The following PLA2G4A variants were observed in gnomAD, a reference collection of about 807,000 sequenced individuals.
PLA2G4A encodes phospholipase A2 group IVA.
A neutral mutation model predicts 81.9 loss-of-function variants in PLA2G4A; 40 were observed. The ratio of observed to expected loss-of-function variants is 0.49; its 90% CI spans 0.38 to 0.64. The LOEUF is 0.64. Ranked by LOEUF, PLA2G4A falls within the 30% of genes least tolerant of loss-of-function variation. The pLI is 0.00. For missense variants in PLA2G4A, 715 were observed against 905.1 expected (o/e 0.79, Z 2.69); for synonymous variants, 302 against 296.9 (o/e 1.02, Z -0.18).
chr1:186,955,999 C>T, intron 13 of PLA2G4A, 103 bp from the exon 14 acceptor site: 1 of 1,024,238 alleles, frequency 9.8e-7, no homozygotes, highest in Non-Finnish European at 1.5e-6. Context: ...CTTGGCCTCC[C>T]AAAGTGCTAG....
At chr1:186,969,309 G>A (rs1657259170) in intron 15 of PLA2G4A, among the ~76,000 whole-genome samples, 1 of 150,362 alleles carries the variant, frequency 6.7e-6, no homozygotes, top group East Asian at 2.0e-4. Flanking sequence ...ATATTTATGG[G>A]GTACATGTCA....
chr1:186,934,424 A>G (rs1655857079), intron 8 of PLA2G4A, among the ~76,000 whole-genome samples: 1 of 125,216 alleles, frequency 8.0e-6, no homozygotes, highest in South Asian at 2.7e-4. Flanking sequence ...AATGTAATTA[A>G]AAGGATTTTA....
At chr1:186,907,122 G>C (rs1431276947) in intron 6 of PLA2G4A, 120 bp downstream of exon 6, 1 of 637,274 alleles carries the variant, frequency 1.6e-6, no homozygotes, top group Non-Finnish European at 2.8e-6. Context: ...AGTGCATTAT[G>C]TTTACTTTGC....
At position 186,930,892 on chromosome 1, in the gene PLA2G4A, C is replaced by T. The variant is rs1655720789; in HGVS notation, c.559-1871C>T. On this transcript the variant is annotated intron_variant, in intron 7 of 17. Transcript: ENST00000367466. The stretch of plus-strand genomic sequence containing the variant: ...TGCCTATCTTGGCCTGAACCTTAGG[C>T]CCAGAACTGAGCACATAGCAATGTT... Among the ~76,000 whole-genome samples, 3 of 152,150 alleles carry T rather than the reference C, an allele frequency of 2.0e-5. No homozygotes were observed. The South Asian group carries it at 6.2e-4, about 31-fold the overall frequency.
At chr1:186,985,189 A>C (rs1458309361) in intron 17 of PLA2G4A, among the ~76,000 whole-genome samples, 1 of 152,206 alleles carries the variant, frequency 6.6e-6, no homozygotes, top group Non-Finnish European at 1.5e-5. Context: ...GAGAATGCCC[A>C]GTCTTCTGCT....
chr1:186,849,934 C>T (rs1652314029), intron 1 of PLA2G4A, among the ~76,000 whole-genome samples: 1 of 151,962 alleles, frequency 6.6e-6, no homozygotes, highest in Non-Finnish European at 1.5e-5. Flanking sequence ...AAGTTACAGC[C>T]CTGAGTGGGA....
chr1:186,914,386 C>G (rs1012559325), intron 7 of PLA2G4A, among the ~76,000 whole-genome samples: 9 of 131,724 alleles, frequency 6.8e-5, no homozygotes, highest in African/African-American at 2.5e-4. Flanking sequence ...GCAGGACAAG[C>G]CACAGACAAA....
At chr1:186,899,757 T>G (rs886757168) in intron 5 of PLA2G4A, among the ~76,000 whole-genome samples, 2 of 152,098 alleles carry the variant, frequency 1.3e-5, no homozygotes, top group African/African-American at 4.8e-5. Flanking sequence ...TGTTAACAGG[T>G]AGAGATACCA....
intron 1 of PLA2G4A, among the ~76,000 whole-genome samples, chr1:186,843,601 G>C (rs1165821226): frequency 3.3e-5 from 5 of 152,138 alleles, no homozygotes; most frequent in Non-Finnish European, 7.3e-5. Flanking sequence ...AAGGTACAAG[G>C]GTCCTAATCT....
intron 5 of PLA2G4A, among the ~76,000 whole-genome samples, chr1:186,895,076 G>A (rs980073424): frequency 2.0e-5 from 3 of 152,210 alleles, no homozygotes; most frequent in African/African-American, 4.8e-5. Context: ...TGTCCCAAAT[G>A]AGTCTTCCTC....
chr1:186,918,939 G>T (rs1182082894), intron 7 of PLA2G4A, among the ~76,000 whole-genome samples: 1 of 152,194 alleles, frequency 6.6e-6, no homozygotes, highest in Non-Finnish European at 1.5e-5. Context: ...TTGCTGCCAG[G>T]GTCCTTAGAC....
intron 7 of PLA2G4A, among the ~76,000 whole-genome samples, chr1:186,912,701 C>G (rs1433317726): frequency 2.8e-5 from 3 of 108,440 alleles, no homozygotes; most frequent in African/African-American, 1.6e-4. Context: ...ATTTTATTTA[C>G]TTATTCATAT....
chr1:186,950,271 AT>A (rs1221286887), intron 12 of PLA2G4A, among the ~76,000 whole-genome samples: 1 of 152,126 alleles, frequency 6.6e-6, no homozygotes, highest in East Asian at 1.9e-4. Context: ...TCACCTGTAG[AT>A]TTTGGTTTTA....
intron 1 of PLA2G4A, among the ~76,000 whole-genome samples, chr1:186,843,488 AG>A (rs973158324): frequency 3.5e-4 from 54 of 152,236 alleles, no homozygotes; most frequent in African/African-American, 7.2e-5. Flanking sequence ...ACAGGAATAC[AG>A]GGAGAAGACA....
At chr1:186,894,058 T>C (rs370497497) in intron 4 of PLA2G4A, 40 bp from the exon 5 acceptor site, 25 of 821,366 alleles carry the variant, frequency 3.0e-5, no homozygotes, top group East Asian at 1.2e-4. Context: ...CAAAGATCCA[T>C]GGGAAATTTT....
At chr1:186,912,761 C>CGT (rs1655000054) in intron 7 of PLA2G4A, among the ~76,000 whole-genome samples, 1 of 106,642 alleles carries the variant, frequency 9.4e-6, no homozygotes, top group African/African-American at 5.2e-5. Context: ...TATATATATA[C>CGT]ATAAGTATAT....
chr1:186,850,528 T>C (rs1012075252), intron 1 of PLA2G4A, among the ~76,000 whole-genome samples: 1 of 96,058 alleles, frequency 1.0e-5, no homozygotes, highest in Non-Finnish European at 2.2e-5. Flanking sequence ...AGAAGTCTTA[T>C]ATACTATTGT....
intron 7 of PLA2G4A, among the ~76,000 whole-genome samples, chr1:186,921,408 T>C (rs1655344831): frequency 1.3e-5 from 2 of 152,182 alleles, no homozygotes; most frequent in East Asian, 1.9e-4. Context: ...CAGTGTAAGA[T>C]GGAGTATTAT....
At chr1:186,838,531 T>G (rs937261595) in intron 1 of PLA2G4A, among the ~76,000 whole-genome samples, 4 of 152,208 alleles carry the variant, frequency 2.6e-5, no homozygotes, top group African/African-American at 9.7e-5. Flanking sequence ...CTTTGTTCTT[T>G]CCCAACTCTT....
Sources: gnomAD v4.1 joint callset for allele counts (sites outside exome capture counted in the v4.1 genomes callset) on GRCh38, gnomAD v4.1.1 for gene constraint, MANE v1.5 for transcripts, NCBI Gene and HGNC (gene_info 2026-07-23, HGNC 2026-07-21) for gene names.